ACTN3: variants seen among roughly 807,000 people sequenced by gnomAD.
ACTN3 encodes the protein alpha-actinin-3.
A neutral mutation model predicts 119.6 loss-of-function variants in ACTN3; 91 were observed. The ratio of observed to expected loss-of-function variants is 0.76; its 90% CI spans 0.64 to 0.91. The LOEUF (loss-of-function observed/expected upper bound fraction) is 0.91, where lower values mean the gene tolerates loss of function less well. Among genes scored for constraint, ACTN3 ranks in the 40% least tolerant of loss-of-function variants. The pLI, the probability that ACTN3 is intolerant of heterozygous loss-of-function variation, is 0.00. For synonymous variants in ACTN3, 456 were observed against 478.8 expected, an observed-to-expected ratio of 0.95 and a Z score of 0.62; for missense variants, 1,221 against 1,215.1, an observed-to-expected ratio of 1.00 and a Z score of -0.07.
chr11:66,559,727 G>A (rs1164145390), intron 12 of ACTN3, among the ~76,000 whole-genome samples: 1 of 128,958 alleles, frequency 7.8e-6, no homozygotes, highest in Non-Finnish European at 1.6e-5. Flanking sequence ...CCCTTCTTGC[G>A]CAACCCCGCC....
At chr11:66,561,902 G>C (rs1248355818) in intron 17 of ACTN3, 120 bp from the exon 18 acceptor site, 1 of 1,241,786 alleles carries the variant, frequency 8.1e-7, no homozygotes, top group Non-Finnish European at 1.1e-6. Flanking sequence ...TCCAGATGGG[G>C]ATGGAGGCCC....
Position 66,547,072 on chromosome 11 carries a change from G to T in ACTN3, c.135G>T (p.Lys45Asn). The change falls in exon 1 of 21, where the codon AAG (lysine) becomes AAT (asparagine). Residue 45 changes from lysine to asparagine, a missense_variant. Transcript: ENST00000513398. ...TGCTGCTGGACCCGGCCTGGGAGAA[G>T]CAGCAGCGGAAAGTGAGTGCTCGCC... ...RDLLLDPAWE[K>N]QQRKTFTAWC... 1 of 1,508,422 alleles carries T rather than the reference G, an allele frequency of 6.6e-7. No individual in the cohort carries two copies. The highest frequency in any genetic ancestry group is 1.4e-5 in the African/African-American group (1 of 71,552). 93.4% of individuals were successfully genotyped at this position (1,508,422 alleles called of 1,614,324 possible). A position where few individuals can be genotyped will look rare whatever the true frequency, so the allele number is the denominator to read the frequency against.
chr11:66,548,713 C>T (rs559561204), intron 1 of ACTN3, among the ~76,000 whole-genome samples: 19 of 152,292 alleles, frequency 1.2e-4, no homozygotes, highest in Non-Finnish European at 2.2e-4. Context: ...GCTTCCTTCA[C>T]ACAGTCTTGG....
rs1380258387 is a variant in ACTN3, at chr11:66,562,277, G to C, written c.2343G>C (p.Glu781Asp). Residue 781 changes from glutamate (E) to aspartate (D), a missense_variant, in exon 19 of 21, where the codon GAG (glutamate) becomes GAC (aspartate). By Grantham distance (45) the Glu-to-Asp change is conservative. Coordinates refer to ENST00000513398, the MANE Select transcript of ACTN3 (RefSeq NM_001104.4). ...HFDRKQNGMM[E>D]PDDFRACLIS... Reference sequence around the variant, plus strand: ...TACAGAAGCAGAATGGGATGATGGAGCCTGATGACTTCCGAGCTTGCCTCA... The same window carrying C: ...TACAGAAGCAGAATGGGATGATGGACCCTGATGACTTCCGAGCTTGCCTCA... The C allele has an allele frequency of 6.2e-7, 1 of 1,613,606 alleles. No individual in the cohort carries two copies. Among genetic ancestry groups the C allele is most frequent in the African/African-American group, 1.3e-5 (1 of 74,898 alleles).
At chr11:66,555,101 G>A (rs1365540355) in intron 5 of ACTN3, 29 bp from the exon 6 acceptor site, 6 of 1,611,576 alleles carry the variant, frequency 3.7e-6, no homozygotes, top group Admixed American at 1.7e-5. Flanking sequence ...CTTGAACCCA[G>A]GCCTGACCCC....
chr11:66,552,851 G>GTCTCTCTCTCTCTC (rs564902238), intron 3 of ACTN3, among the ~76,000 whole-genome samples: 3 of 131,280 alleles, frequency 2.3e-5, no homozygotes, highest in Admixed American at 7.6e-5. Flanking sequence ...GAGAGACTCT[G>GTCTCTCTCTCTCTC]TCTCTCTCTC....
At chr11:66,560,832 T>G (rs1165729661) in intron 15 of ACTN3, 77 bp downstream of exon 15, 1 of 1,465,022 alleles carries the variant, frequency 6.8e-7, no homozygotes, top group Non-Finnish European at 9.3e-7. Flanking sequence ...TGGCCCAAGA[T>G]ATGGAGAATA....
intron 7 of ACTN3, among the ~76,000 whole-genome samples, chr11:66,555,928 C>A (rs575284795): frequency 1.3e-5 from 2 of 152,316 alleles, no homozygotes; most frequent in South Asian, 2.1e-4. Flanking sequence ...CCCACCCAGT[C>A]CCTCACACTT....
intron 3 of ACTN3, among the ~76,000 whole-genome samples, chr11:66,552,023 C>T (rs1195744793): frequency 6.6e-6 from 1 of 151,334 alleles, no homozygotes; most frequent in African/African-American, 2.4e-5. Context: ...TTGCAGTGAG[C>T]CGAGATCACA....
Position 66,546,931 on chromosome 11 carries a change from G to A in ACTN3, c.-7G>A, listed in dbSNP as rs1484150180. 6 of 1,537,688 alleles carry A rather than the reference G, an allele frequency of 3.9e-6. No individual in the cohort carries two copies. The highest frequency in any genetic ancestry group is 3.9e-5 in the South Asian group (3 of 77,898). ...CCGAGCGGAGCGAAGCCAGGAGCCCGATCGAGATGATGATGGTTATGCAGC... is the reference window on the plus strand; with the variant it reads ...CCGAGCGGAGCGAAGCCAGGAGCCCAATCGAGATGATGATGGTTATGCAGC... On this transcript the variant is annotated 5_prime_UTR_variant, in exon 1 of 21. Transcript: ENST00000513398.
At chr11:66,546,781 T>G (rs552358681), upstream of ACTN3, 115 of 1,534,482 alleles carry the variant, frequency 7.5e-5, no homozygotes, top group Admixed American at 2.2e-4. Flanking sequence ...GACAACCCCT[T>G]GCCAGGTCCA....
At position 66,561,567 on chromosome 11, in the gene ACTN3, T is replaced by C. The variant is rs200244682; in HGVS notation, c.2105T>C (p.Leu702Pro). 1.8e-4 allele frequency: 290 copies of C among 1,612,950 alleles called. 2 individuals carry two copies. In the South Asian group the frequency reaches 2.7e-3, roughly 15 times the overall value. Residue 702 changes from leucine to proline, a missense_variant, in exon 17 of 21, where the codon CTG becomes CCG. Physicochemically the swap from Leu to Pro is moderately conservative, Grantham distance 98. Transcript: ENST00000513398. ...IINYKTNIDRLEGDHQLLQES... is the reference protein window; with the variant it reads ...IINYKTNIDRPEGDHQLLQES... ...AACTACAAGACTAACATTGACCGGCTGGAGGGTGACCACCAGCTGCTGCAG... is the reference window on the plus strand; with the variant it reads ...AACTACAAGACTAACATTGACCGGCCGGAGGGTGACCACCAGCTGCTGCAG...
intron 3 of ACTN3, 138 bp downstream of exon 3, chr11:66,551,785 C>T (rs1311220108): frequency 7.4e-7 from 1 of 1,349,196 alleles, no homozygotes; most frequent in Non-Finnish European, 1.0e-6. Context: ...TGTAAAGAGC[C>T]AGTATGCCAG....
chr11:66,562,405 C>T, intron 19 of ACTN3, 83 bp downstream of exon 19: 1 of 1,406,478 alleles, frequency 7.1e-7, no homozygotes, highest in South Asian at 1.2e-5. Flanking sequence ...CTCCCATCTT[C>T]ACATACACCA....
chr11:66,553,853 CAAAAAAAAAA>C (rs11448724), intron 3 of ACTN3, among the ~76,000 whole-genome samples, 182 bp from the exon 4 acceptor site: 1 of 81,776 alleles, frequency 1.2e-5, no homozygotes, highest in African/African-American at 4.6e-5. Flanking sequence ...GACTCCATCT[CAAAAAAAAAA>C]AAAAAAAAGA....
chr11:66,546,657 C>G, upstream of ACTN3: 1 of 1,529,838 alleles, frequency 6.5e-7, no homozygotes, highest in Non-Finnish European at 8.8e-7. Context: ...AGAGAGGTCC[C>G]GTGGATTTCT....
chr11:66,553,432 G>A (rs1156542449), intron 3 of ACTN3, among the ~76,000 whole-genome samples: 2 of 151,920 alleles, frequency 1.3e-5, no homozygotes, highest in African/African-American at 4.8e-5. Context: ...GGTGCAGCCT[G>A]TAGTCCCCGC....
At chr11:66,552,581 G>T (rs1857495922) in intron 3 of ACTN3, among the ~76,000 whole-genome samples, 1 of 151,944 alleles carries the variant, frequency 6.6e-6, no homozygotes. Context: ...TCTTGGCCAG[G>T]CACAGTGGCT....
In ACTN3 at chr11:66,546,949, T is replaced by C. The variant is rs1462806264; in HGVS notation, c.12T>C (p.Val4=). Residue 4 remains valine, a synonymous_variant, in exon 1 of 21, where the codon GTT becomes GTC. Coordinates refer to ENST00000513398, the MANE Select transcript of ACTN3 (RefSeq NM_001104.4). ...GGAGCCCGATCGAGATGATGATGGT[T>C]ATGCAGCCCGAGGGTCTGGGGGCCG... MMM[V]MQPEGLGAGE... The C allele has an allele frequency of 4.6e-6, 7 of 1,536,406 alleles. No homozygotes were observed. In the South Asian group the frequency reaches 7.8e-5, roughly 17 times the overall value.
Sources: allele counts gnomAD v4.1 joint callset (sites outside exome capture counted in the v4.1 genomes callset), GRCh38; gene constraint gnomAD v4.1.1; transcripts MANE v1.5; gene names NCBI Gene and HGNC (gene_info 2026-07-23, HGNC 2026-07-21).